The following LASP1 variants were observed in gnomAD, a reference collection of about 807,000 sequenced individuals.
The protein encoded by LASP1 is LIM and SH3 domain protein 1.
In LASP1, 10 loss-of-function variants were observed where a neutral mutation model predicts 38.6. The observed-to-expected ratio is 0.26, with a 90% CI of 0.16 to 0.44. The LOEUF (loss-of-function observed/expected upper bound fraction) is 0.44, where lower values mean the gene tolerates loss of function less well. Ranked by LOEUF, LASP1 falls within the 20% of genes least tolerant of loss-of-function variation. The pLI is 1.00. For missense variants in LASP1, 243 were observed against 375.7 expected (o/e 0.65, Z 2.92); for synonymous variants, 132 against 140.8 (o/e 0.94, Z 0.44).
rs1914550920 is a variant in LASP1, at chr17:38,898,481, C to T, written c.319C>T (p.Leu107Phe). The stretch of plus-strand genomic sequence containing the variant: ...CAGCGTAGTGGCAGACACGCCCGAG[C>T]TCCAGAGAATCAAGAAGACCCAGGA... Reference protein sequence around the residue: ...GFSVVADTPELQRIKKTQDQI... With the variant: ...GFSVVADTPEFQRIKKTQDQI... The change falls in exon 4 of 7, where the codon CTC becomes TTC. Residue 107 changes from leucine (L) to phenylalanine (F), a missense_variant. Transcript: ENST00000318008. The T allele has an allele frequency of 1.3e-6, 2 of 1,551,504 alleles. No homozygotes were observed. Among genetic ancestry groups the T allele is most frequent in the African/African-American group, 1.4e-5 (1 of 73,052 alleles).
At chr17:38,900,168 G>T (rs1335809935) in intron 4 of LASP1, among the ~76,000 whole-genome samples, 3 of 124,796 alleles carry the variant, frequency 2.4e-5, no homozygotes, top group African/African-American at 9.2e-5. Context: ...TTTGAGACTA[G>T]CCTGGGCAAC....
intron 4 of LASP1, among the ~76,000 whole-genome samples, chr17:38,910,220 C>T (rs1914896640): frequency 6.6e-6 from 1 of 152,156 alleles, no homozygotes; most frequent in Admixed American, 6.6e-5. Flanking sequence ...AAACAAGGGT[C>T]ACTAAGTTTT....
chr17:38,892,477 A>T (rs1350095406), intron 3 of LASP1, among the ~76,000 whole-genome samples: 1 of 151,936 alleles, frequency 6.6e-6, no homozygotes, highest in African/African-American at 2.4e-5. Context: ...TGGAAGGGCC[A>T]TGGGGGCCAG....
chr17:38,876,152 C>T (rs1299861500), intron 1 of LASP1, among the ~76,000 whole-genome samples: 1 of 150,726 alleles, frequency 6.6e-6, no homozygotes, highest in Non-Finnish European at 1.5e-5. Flanking sequence ...CAGGCTGCCA[C>T]GTGGAGCCTG....
intron 2 of LASP1, among the ~76,000 whole-genome samples, chr17:38,889,499 T>G (rs1437185302): frequency 2.6e-5 from 4 of 152,210 alleles, no homozygotes; most frequent in Non-Finnish European, 5.9e-5. Flanking sequence ...AGCTCCAAGA[T>G]GCAAAGCTTT....
chr17:38,871,403 C>T (rs1394726577), intron 1 of LASP1, among the ~76,000 whole-genome samples: 2 of 151,944 alleles, frequency 1.3e-5, no homozygotes. Flanking sequence ...CCTTCCTCAC[C>T]GCGTCTTTCA....
Position 38,921,620 on chromosome 17 carries a change from T to C in LASP1, c.*2842T>C, listed in dbSNP as rs1474533301. 4.3e-6 allele frequency: 1 copy of C among 233,000 alleles called. No individual in the cohort carries two copies. Among genetic ancestry groups the C allele is most frequent in the East Asian group, 6.0e-5 (1 of 16,548 alleles). The allele number at this position is 233,000 out of a possible 1,614,324, so 14.4% of individuals were successfully genotyped here. ...TTCATCTTTTTATATGGGGTTGTTG[T>C]CTCATTTTGGTCTGTTTTGGTCCCC... is the stretch of plus-strand genomic sequence containing the variant. On this transcript the variant is annotated 3_prime_UTR_variant, in exon 7 of 7. Coordinates refer to ENST00000318008, the MANE Select transcript of LASP1 (RefSeq NM_006148.4).
chr17:38,885,252 C>T (rs191753602), intron 2 of LASP1, among the ~76,000 whole-genome samples: 10 of 152,252 alleles, frequency 6.6e-5, no homozygotes, highest in African/African-American at 2.4e-4. Context: ...TGACACTGGA[C>T]CTCAGTTTCT....
chr17:38,918,289 A>AT lies in LASP1; in HGVS notation c.613-311dup, dbSNP rs1915192140. Among the ~76,000 whole-genome samples the AT allele has an allele frequency of 2.0e-5, 3 of 152,058 alleles. No homozygotes were observed. Among genetic ancestry groups the AT allele is most frequent in the African/African-American group, 7.2e-5 (3 of 41,396 alleles). Reference sequence around the variant, plus strand: ...CCACTGCACCTGGCCTGCATGTCGTATTTTTAGACATTACTCTGTCATCAT... The same window carrying AT: ...CCACTGCACCTGGCCTGCATGTCGTATTTTTTAGACATTACTCTGTCATCAT... On this transcript the variant is annotated intron_variant, in intron 6 of 6. Coordinates refer to ENST00000318008, the MANE Select transcript of LASP1 (RefSeq NM_006148.4). This position sits in a 1 kb window ranked among gnomAD's most constrained non-coding sequence, Gnocchi z 4.4.
chr17:38,909,514 G>T (rs935240528), intron 4 of LASP1, among the ~76,000 whole-genome samples: 4 of 152,166 alleles, frequency 2.6e-5, no homozygotes, highest in African/African-American at 7.2e-5. Context: ...GGCTGAGGCA[G>T]GAGCATCACT....
At chr17:38,898,373 C>T (rs1279405205) in intron 3 of LASP1, 39 bp from the exon 4 acceptor site, 2 of 1,480,622 alleles carry the variant, frequency 1.4e-6, no homozygotes, top group Non-Finnish European at 1.8e-6. Context: ...CCTTTCGGCT[C>T]CTGGCCTGAC....
chr17:38,883,237 G>C (rs1014894377), intron 2 of LASP1, among the ~76,000 whole-genome samples: 1 of 152,052 alleles, frequency 6.6e-6, no homozygotes, highest in Non-Finnish European at 1.5e-5. Context: ...TAAATTAGCC[G>C]AGTGTGGTGG....
chr17:38,884,020 CTGTT>C (rs1472041190), intron 2 of LASP1, among the ~76,000 whole-genome samples: 1 of 150,486 alleles, frequency 6.6e-6, no homozygotes, highest in Non-Finnish European at 1.5e-5. Context: ...GATGTGGGGG[CTGTT>C]TTTTTTTTTT....
Position 38,920,171 on chromosome 17 carries a change from TG to T in LASP1, c.*1397del. On this transcript the variant is annotated 3_prime_UTR_variant, in exon 7 of 7. Transcript: ENST00000318008. ...GGCTGCCATAGGGTCTGCAGCCTGCTGGGGCTAAGCGGTGGAGGAAGGCTCT... is the reference window on the plus strand; with the variant it reads ...GGCTGCCATAGGGTCTGCAGCCTGCTGGGCTAAGCGGTGGAGGAAGGCTCT... The T allele has an allele frequency of 3.8e-6, 2 of 529,306 alleles. No homozygotes were observed. Among genetic ancestry groups the T allele is most frequent in the Non-Finnish European group, 7.4e-6 (2 of 271,326 alleles). 32.8% of individuals were successfully genotyped at this position (529,306 alleles called of 1,614,324 possible). A position where few individuals can be genotyped will look rare whatever the true frequency, so the allele number is the denominator to read the frequency against.
intron 4 of LASP1, among the ~76,000 whole-genome samples, chr17:38,906,933 T>G (rs968035723): frequency 6.6e-6 from 1 of 152,136 alleles, no homozygotes; most frequent in African/African-American, 2.4e-5. Flanking sequence ...GCTTCCAGGC[T>G]GGGGGCTGTG....
At chr17:38,876,893 T>C (rs1351785059) in intron 1 of LASP1, among the ~76,000 whole-genome samples, 1 of 151,840 alleles carries the variant, frequency 6.6e-6, no homozygotes, top group East Asian at 1.9e-4. Context: ...TTAGTAGAGA[T>C]GGGGTTTCAC....
rs1915258983 is a variant in LASP1, at chr17:38,920,131, T to C, written c.*1353T>C. 6 of 536,136 alleles carry C rather than the reference T, an allele frequency of 1.1e-5. No individual in the cohort carries two copies. Among genetic ancestry groups the C allele is most frequent in the South Asian group, 6.1e-5 (4 of 65,238 alleles). The allele number at this position is 536,136 out of a possible 1,614,324, so 33.2% of individuals were successfully genotyped here. A position where few individuals can be genotyped will look rare whatever the true frequency, so the allele number is the denominator to read the frequency against. On this transcript the variant is annotated 3_prime_UTR_variant, in exon 7 of 7. Coordinates refer to ENST00000318008, the MANE Select transcript of LASP1 (RefSeq NM_006148.4). ...AGTGTGCAGGGTGGAAGGTAAGAGG[T>C]TGGTGTGGAGTTGGGGCTGCCATAG... is the stretch of plus-strand genomic sequence containing the variant.
At chr17:38,914,630 A>G (rs1353801661) in intron 5 of LASP1, among the ~76,000 whole-genome samples, 155 bp downstream of exon 5, 1 of 151,494 alleles carries the variant, frequency 6.6e-6, no homozygotes, top group African/African-American at 2.4e-5. Context: ...GGACCAGAGG[A>G]CCTGAGGCCG....
Position 38,870,087 on chromosome 17 carries a change from T to C in LASP1, c.-103T>C. The C allele has an allele frequency of 1.6e-6, 2 of 1,267,018 alleles. No homozygotes were observed. The highest frequency in any genetic ancestry group is 2.3e-6 in the Non-Finnish European group (2 of 886,664). The allele number at this position is 1,267,018 out of a possible 1,614,324, so 78.5% of individuals were successfully genotyped here. ...GTTCCCCAGCTCCAGCCGCCGTCGC[T>C]GCTGCCTGTGTAGTTGCAGCCGCGG... is the stretch of plus-strand genomic sequence containing the variant. On this transcript the variant is annotated 5_prime_UTR_variant, in exon 1 of 7. Transcript: ENST00000318008.
Sources: gnomAD v4.1 joint callset for allele counts (sites outside exome capture counted in the v4.1 genomes callset) on GRCh38, gnomAD v4.1.1 for gene constraint, Gnocchi (gnomAD v3.1) non-coding constraint, MANE v1.5 for transcripts, NCBI Gene and HGNC (gene_info 2026-07-23, HGNC 2026-07-21) for gene names.